The following MYO1H variants were observed in gnomAD, a reference collection of about 807,000 sequenced individuals.
MYO1H encodes the protein myosin IH.
MYO1H carries 118 observed loss-of-function variants against 149.3 expected under a neutral mutation model. The observed-to-expected ratio is 0.79, with a 90% CI of 0.68 to 0.92. The LOEUF (loss-of-function observed/expected upper bound fraction) is 0.92, where lower values mean the gene tolerates loss of function less well. MYO1H is among the 40% of genes least tolerant of loss of function. MYO1H has a pLI of 0.00. For synonymous variants in MYO1H, 447 were observed against 465.2 expected (o/e 0.96, Z 0.50); for missense variants, 1,212 against 1,280.7 (o/e 0.95, Z 0.82).
intron 1 of MYO1H, among the ~76,000 whole-genome samples, chr12:109,361,784 C>T (rs1868756441): frequency 1.4e-5 from 2 of 139,550 alleles, no homozygotes; most frequent in Non-Finnish European, 3.0e-5. Flanking sequence ...ACTCCAGCAG[C>T]CTGGGTGACA....
At chr12:109,312,742 T>C in the MYO1H span, among the ~76,000 whole-genome samples, 1 of 152,002 alleles carries the variant, frequency 6.6e-6, no homozygotes, top group Admixed American at 6.6e-5. Context: ...GGCATGTCTA[T>C]GAAGCAGAAA....
chr12:109,394,464 A>G (rs1304996354), intron 3 of MYO1H, among the ~76,000 whole-genome samples: 1 of 152,200 alleles, frequency 6.6e-6, no homozygotes, highest in East Asian at 1.9e-4. Context: ...AAACCTTACC[A>G]TTTTAAATAA....
intron 1 of MYO1H, among the ~76,000 whole-genome samples, chr12:109,365,880 G>A (rs1243724788): frequency 1.3e-5 from 2 of 152,168 alleles, no homozygotes; most frequent in Non-Finnish European, 2.9e-5. Context: ...CGCACAGCAG[G>A]AGATGAGTGG....
intron 26 of MYO1H, 78 bp from the exon 27 acceptor site, chr12:109,442,139 A>G: frequency 1.6e-6 from 2 of 1,247,950 alleles, no homozygotes; most frequent in Non-Finnish European, 2.4e-6. Flanking sequence ...ATGCATAACA[A>G]AACTAGCAGA....
chr12:109,409,838 ATTATT>A (rs1870588301), intron 11 of MYO1H, 120 bp from the exon 12 acceptor site: 2 of 675,506 alleles, frequency 3.0e-6, no homozygotes. Context: ...TATTTAGTAA[ATTATT>A]TTATTAATGA....
chr12:109,446,520 T>C, intron 31 of MYO1H: 1 of 941,188 alleles, frequency 1.1e-6, no homozygotes. Flanking sequence ...TCCCAGCACT[T>C]TGGGAGGCCG....
chr12:109,388,642 C>T, intron 1 of MYO1H, 41 bp from the exon 2 acceptor site: 1 of 1,492,914 alleles, frequency 6.7e-7, no homozygotes, highest in Non-Finnish European at 9.0e-7. Flanking sequence ...ATAGATATTA[C>T]CAAATAGATG....
chr12:109,374,189 G>A (rs1361627177), intron 1 of MYO1H, among the ~76,000 whole-genome samples: 1 of 152,178 alleles, frequency 6.6e-6, no homozygotes, highest in East Asian at 1.9e-4. Context: ...AATCTATCCT[G>A]AATTGGCCTG....
chr12:109,412,528 A>G (rs552155607), intron 14 of MYO1H, among the ~76,000 whole-genome samples: 2 of 152,208 alleles, frequency 1.3e-5, no homozygotes, highest in East Asian at 1.9e-4. Flanking sequence ...GGACATGTCT[A>G]TGTACATGAA....
chr12:109,382,834 TTATA>T (rs962370035), intron 1 of MYO1H, among the ~76,000 whole-genome samples: 2 of 149,104 alleles, frequency 1.3e-5, no homozygotes, highest in Admixed American at 6.7e-5. Context: ...CAAAATATCT[TTATA>T]TATATATATT....
chr12:109,400,198 G>C (rs1330288420), intron 5 of MYO1H, among the ~76,000 whole-genome samples: 1 of 152,172 alleles, frequency 6.6e-6, no homozygotes, highest in African/African-American at 2.4e-5. Context: ...TGGGCTGTTT[G>C]CAATTTAGGA....
intron 1 of MYO1H, among the ~76,000 whole-genome samples, chr12:109,353,720 C>T (rs145097812): frequency 0.049 from 7,511 of 152,156 alleles, 611 homozygotes; most frequent in African/African-American, 0.17. Context: ...GGCACCATCT[C>T]GGCTCACTGC....
the MYO1H span, among the ~76,000 whole-genome samples, chr12:109,328,423 T>G: frequency 6.6e-6 from 1 of 152,124 alleles, no homozygotes; most frequent in African/African-American, 2.4e-5. Context: ...CTTGAACTCC[T>G]GGGCTCAAGC....
intron 1 of MYO1H, among the ~76,000 whole-genome samples, chr12:109,351,905 G>C (rs1868467106): frequency 6.6e-6 from 1 of 152,172 alleles, no homozygotes; most frequent in Admixed American, 6.5e-5. Flanking sequence ...TGGAGATGCT[G>C]CTTCAAATTA....
intron 12 of MYO1H, 21 bp downstream of exon 12, chr12:109,410,089 T>C: frequency 8.0e-7 from 1 of 1,249,826 alleles, no homozygotes; most frequent in Non-Finnish European, 1.1e-6. Flanking sequence ...TGATGTTTTC[T>C]CCTCATCTGA....
In MYO1H at chr12:109,410,077, T is replaced by G; in HGVS notation, c.1329+9T>G. ...AAATGGAAGGCATAGAGGTAAACATTTTGATGTTTTCTCCTCATCTGATTT... is the reference window on the plus strand; with the variant it reads ...AAATGGAAGGCATAGAGGTAAACATGTTGATGTTTTCTCCTCATCTGATTT... On this transcript the variant is annotated intron_variant, in intron 12 of 31. Coordinates refer to ENST00000310903, the Ensembl canonical transcript of MYO1H. 7.3e-7 allele frequency: 1 copy of G among 1,376,822 alleles called. No homozygotes were observed. The highest frequency in any genetic ancestry group is 1.5e-5 in the South Asian group (1 of 65,580). 85.3% of individuals were successfully genotyped at this position (1,376,822 alleles called of 1,614,324 possible).
At position 109,413,141 on chromosome 12, in the gene MYO1H, T is replaced by C. The variant is rs569365291; in HGVS notation, c.1502+1156T>C. On this transcript the variant is annotated intron_variant, in intron 14 of 31. Transcript: ENST00000310903. ...GGTGTGCGCCATCACGCCTGGCTAT[T>C]TTTTTGTATTTTTAGTAGAGGTGGG... Among the ~76,000 whole-genome samples the C allele has an allele frequency of 2.6e-5, 4 of 152,066 alleles. No homozygotes were observed. In the East Asian group the frequency reaches 7.7e-4, roughly 29 times the overall value.
At chr12:109,397,686 C>G in intron 4 of MYO1H, 46 bp from the exon 5 acceptor site, 2 of 1,492,312 alleles carry the variant, frequency 1.3e-6, no homozygotes, top group South Asian at 2.4e-5. Context: ...GAATTTGATA[C>G]GCATGGTGAG....
chr12:109,387,783 C>G (rs1412194445), intron 1 of MYO1H, among the ~76,000 whole-genome samples: 1 of 152,230 alleles, frequency 6.6e-6, no homozygotes, highest in African/African-American at 2.4e-5. Flanking sequence ...ATTACACACT[C>G]CAGGCTTCAT....
Sources: allele counts gnomAD v4.1 joint callset (sites outside exome capture counted in the v4.1 genomes callset), GRCh38; gene constraint gnomAD v4.1.1; transcripts MANE v1.5; gene names NCBI Gene and HGNC (gene_info 2026-07-23, HGNC 2026-07-21).